LANCL1: variants seen among roughly 807,000 people sequenced by gnomAD.
LANCL1 encodes the protein glutathione S-transferase LANCL1.
LANCL1 carries 50 observed loss-of-function variants against 50.6 expected under a neutral mutation model. The observed-to-expected ratio is 0.99, with a 90% CI of 0.79 to 1.25. The LOEUF is 1.25. LANCL1 is among the 50% of genes most tolerant of loss of function. The probability of loss-of-function intolerance (pLI) is 0.00; values close to 1 mark genes in which losing one functional copy is unlikely to be tolerated. For missense variants in LANCL1, 532 were observed against 480.7 expected (o/e 1.11, Z -1.00); for synonymous variants, 188 against 178.6 (o/e 1.05, Z -0.42).
chr2:210,462,741 G>T (rs1693903257), intron 3 of LANCL1, among the ~76,000 whole-genome samples: 1 of 152,096 alleles, frequency 6.6e-6, no homozygotes, highest in East Asian at 1.9e-4. Flanking sequence ...TCTTCTCAGG[G>T]TTTATGTCCA....
chr2:210,431,710 T>C lies in LANCL1; in HGVS notation c.*2777A>G, dbSNP rs949971527. On this transcript the variant is annotated 3_prime_UTR_variant, in exon 10 of 10. Transcript: ENST00000450366. ...AAGTAACCCTAGATCCACTTTTACC[T>C]AAAACTCTACCTACCATGAAGGTTT... 1 of 152,126 alleles carries C rather than the reference T, an allele frequency of 6.6e-6. No individual in the cohort carries two copies. 9.4% of individuals were successfully genotyped at this position (152,126 alleles called of 1,614,324 possible). A position where few individuals can be genotyped will look rare whatever the true frequency, so the allele number is the denominator to read the frequency against.
intron 2 of LANCL1, among the ~76,000 whole-genome samples, chr2:210,475,177 T>C (rs190583229): frequency 6.6e-6 from 1 of 152,250 alleles, no homozygotes; most frequent in South Asian, 2.1e-4. Context: ...AAAACAACCA[T>C]CAGACCCACA....
chr2:210,473,730 C>T (rs1432295029), intron 2 of LANCL1, among the ~76,000 whole-genome samples: 2 of 152,198 alleles, frequency 1.3e-5, no homozygotes, highest in Non-Finnish European at 2.9e-5. Context: ...CTTTCAACCA[C>T]ATCTGGATTA....
At chr2:210,466,082 C>A (rs949734534) in intron 3 of LANCL1, among the ~76,000 whole-genome samples, 6 of 152,332 alleles carry the variant, frequency 3.9e-5, no homozygotes, top group Non-Finnish European at 5.9e-5. Flanking sequence ...ACAACAAGAA[C>A]CTTTTTTAAT....
At chr2:210,447,892 C>A (rs1693393069) in intron 4 of LANCL1, among the ~76,000 whole-genome samples, 2 of 152,070 alleles carry the variant, frequency 1.3e-5, no homozygotes. Context: ...CTTAGACTCC[C>A]ACACAAAAAT....
intron 4 of LANCL1, among the ~76,000 whole-genome samples, chr2:210,453,322 G>A (rs760514140): frequency 3.9e-5 from 6 of 152,170 alleles, no homozygotes; most frequent in Non-Finnish European, 7.4e-5. Context: ...CAAAGAGTGT[G>A]TTAGAATAGG....
At chr2:210,457,956 C>T (rs1028619893) in intron 3 of LANCL1, among the ~76,000 whole-genome samples, 4 of 152,082 alleles carry the variant, frequency 2.6e-5, no homozygotes, top group Admixed American at 1.3e-4. Context: ...GGCTATGTGG[C>T]GAAGTTCTGA....
Position 210,437,834 on chromosome 2 carries a change from C to G in LANCL1, c.729G>C (p.Leu243Phe). 1 of 1,608,826 alleles carries G rather than the reference C, an allele frequency of 6.2e-7. No individual in the cohort carries two copies. Among genetic ancestry groups the G allele is most frequent in the African/African-American group, 1.3e-5 (1 of 74,724 alleles). ...LQVSQGKLHS[L>F]VKPSVDYVCQ... ...AGACGTAGTCTACACTGGGCTTGAC[C>G]AAACTATGTAACTTCCCTTGGCTCA... The change falls in exon 7 of 10, where the codon TTG becomes TTC. Residue 243 changes from leucine to phenylalanine, a missense_variant. Leu to Phe is a conservative substitution (Grantham distance 22). Transcript: ENST00000450366.
intron 4 of LANCL1, among the ~76,000 whole-genome samples, chr2:210,445,604 T>C (rs1693297941): frequency 6.6e-6 from 1 of 152,098 alleles, no homozygotes; most frequent in Non-Finnish European, 1.5e-5. Context: ...AATAAAATAT[T>C]TATATTAAGA....
intron 4 of LANCL1, among the ~76,000 whole-genome samples, chr2:210,445,641 G>T (rs1326112860): frequency 1.3e-5 from 2 of 152,032 alleles, no homozygotes; most frequent in Non-Finnish European, 2.9e-5. Flanking sequence ...TGATATCACT[G>T]ATAAATCATA....
chr2:210,471,861 A>G, intron 3 of LANCL1, 98 bp downstream of exon 3: 1 of 852,280 alleles, frequency 1.2e-6, no homozygotes, highest in South Asian at 1.4e-5. Context: ...AGATGCAGGA[A>G]GCATTTAAGG....
At chr2:210,445,114 A>G (rs995666089) in intron 4 of LANCL1, among the ~76,000 whole-genome samples, 1 of 152,064 alleles carries the variant, frequency 6.6e-6, no homozygotes, top group Non-Finnish European at 1.5e-5. Context: ...AATATAAAGT[A>G]CTTTTGACTT....
At chr2:210,436,516 G>T in intron 7 of LANCL1, 124 bp from the exon 8 acceptor site, 1 of 881,574 alleles carries the variant, frequency 1.1e-6, no homozygotes, top group Non-Finnish European at 1.8e-6. Context: ...AGGATTTAGT[G>T]ACAGAGGGAT....
chr2:210,446,891 G>A (rs1476958588), intron 4 of LANCL1, among the ~76,000 whole-genome samples: 2 of 152,134 alleles, frequency 1.3e-5, no homozygotes, highest in African/African-American at 4.8e-5. Context: ...ACCTGAAAGC[G>A]ACGGGGAGAA....
rs757358006 is a variant in LANCL1 at position 210,437,766 on chromosome 2, C to G, written c.797G>C (p.Gly266Ala). 1.2e-6 allele frequency: 2 copies of G among 1,613,214 alleles called. No homozygotes were observed. The highest frequency in any genetic ancestry group is 2.2e-5 in the South Asian group (2 of 90,984). ...ATGGACAAGCAGATCTCGATTATCA[C>G]CTATACATGGAGGGTAATTGCCAGA... ...FPSGNYPPCI[G>A]DNRDLLVHWC... The change falls in exon 7 of 10, where the codon GGT becomes GCT. Residue 266 changes from glycine to alanine, a missense_variant. Coordinates refer to ENST00000450366, the MANE Select transcript of LANCL1 (RefSeq NM_006055.3).
chr2:210,458,504 AG>A (rs1448340161), intron 3 of LANCL1, among the ~76,000 whole-genome samples: 2 of 152,320 alleles, frequency 1.3e-5, no homozygotes, highest in East Asian at 3.9e-4. Context: ...TGGATGCAGG[AG>A]GAACAGTTAG....
Position 210,462,117 on chromosome 2 carries a change from C to T in LANCL1, c.200-6803G>A, listed in dbSNP as rs575282448. 1.1e-4 allele frequency among the ~76,000 whole-genome samples: 16 copies of T among 152,268 alleles called. No individual in the cohort carries two copies. The South Asian group carries it at 1.9e-3, about 18-fold the overall frequency. On this transcript the variant is annotated intron_variant, in intron 3 of 9. Coordinates refer to ENST00000450366, the MANE Select transcript of LANCL1 (RefSeq NM_006055.3). Reference sequence around the variant, plus strand: ...ACCAGCTCCATGGCAGGTAGCATTACGTTCTCTGGTGAGACCCCAGTGATC... The same window carrying T: ...ACCAGCTCCATGGCAGGTAGCATTATGTTCTCTGGTGAGACCCCAGTGATC...
At chr2:210,448,125 T>A (rs945310407) in intron 4 of LANCL1, among the ~76,000 whole-genome samples, 157 of 152,006 alleles carry the variant, frequency 1.0e-3, no homozygotes, top group Middle Eastern at 3.4e-3. Flanking sequence ...CCTCAGCAAA[T>A]GGAAAAGAAT....
chr2:210,445,234 A>T (rs1471107075), intron 4 of LANCL1, among the ~76,000 whole-genome samples: 1 of 152,170 alleles, frequency 6.6e-6, no homozygotes, highest in African/African-American at 2.4e-5. Flanking sequence ...TTCCAATGAT[A>T]TTCCAACTGA....
Sources: gnomAD v4.1 joint callset for allele counts (sites outside exome capture counted in the v4.1 genomes callset) on GRCh38, gnomAD v4.1.1 for gene constraint, MANE v1.5 for transcripts, NCBI Gene and HGNC (gene_info 2026-07-23, HGNC 2026-07-21) for gene names.